GEMIN7: variants seen among roughly 807,000 people sequenced by gnomAD.
GEMIN7 encodes gem-associated protein 7.
Under a neutral mutation model 7.8 loss-of-function variants are expected in GEMIN7, and 7 were observed. The ratio of observed to expected loss-of-function variants is 0.90; its 90% CI spans 0.51 to 1.69. The LOEUF (loss-of-function observed/expected upper bound fraction) is 1.69, where lower values mean the gene tolerates loss of function less well. Ranked by LOEUF, GEMIN7 falls within the 40% of genes most tolerant of loss-of-function variation. The pLI is 0.00. For synonymous variants in GEMIN7, 68 were observed against 72.4 expected (o/e 0.94, Z 0.31); for missense variants, 159 against 176.2 (o/e 0.90, Z 0.55).
At position 45,090,178 on chromosome 19, in the gene GEMIN7, A is replaced by AGG; in HGVS notation, c.65_66insGG (p.Ser22ArgfsTer14). 6.2e-7 allele frequency: 1 copy of AGG among 1,614,182 alleles called. No individual in the cohort carries two copies. The highest frequency in any genetic ancestry group is 8.5e-7 in the Non-Finnish European group (1 of 1,180,034). On this transcript the variant is annotated frameshift_variant, in exon 3 of 3. Transcript: ENST00000270257. LOFTEE classifies it high-confidence loss of function. ...GCTGCCCCGGGGCCCTGATGGCTTC[A>AGG]GCCGTGGCTTTGCCCCTGATGGACG...
At chr19:45,079,755 G>A (rs1464424922) in intron 1 of GEMIN7, among the ~76,000 whole-genome samples, 152 bp from the exon 2 acceptor site, 1 of 152,230 alleles carries the variant, frequency 6.6e-6, no homozygotes, top group Non-Finnish European at 1.5e-5. Context: ...ACCGGCCCCA[G>A]GGGAGAAGGG....
upstream of GEMIN7, chr19:45,076,506 G>A (rs1449184366): frequency 3.2e-6 from 2 of 628,996 alleles, no homozygotes. This position sits in a 1 kb window ranked among gnomAD's most constrained non-coding sequence, Gnocchi z 4.9. Flanking sequence ...ACTCTTACAC[G>A]TGCTGGCCGG....
At chr19:45,076,103 A>C, upstream of GEMIN7, 1 of 1,582,026 alleles carries the variant, frequency 6.3e-7, no homozygotes, top group Non-Finnish European at 8.6e-7. The surrounding 1 kb of genome is among the most constrained non-coding windows in gnomAD (Gnocchi z 4.9). Flanking sequence ...AACGGCGTCC[A>C]CAGGGTCCAC....
chr19:45,090,666 G>C lies in GEMIN7; in HGVS notation c.*156G>C, dbSNP rs546170958. ...AGTCTGGACTCCTGAGACCTCCTGG[G>C]TCTAGTCAGTAAAATTCTGCAACTC... On this transcript the variant is annotated 3_prime_UTR_variant, in exon 3 of 3. Coordinates refer to ENST00000270257, the MANE Select transcript of GEMIN7 (RefSeq NM_024707.3). 6.8e-5 allele frequency: 44 copies of C among 648,582 alleles called. No individual in the cohort carries two copies. The highest frequency in any genetic ancestry group is 5.0e-4 in the South Asian group (25 of 49,570). 40.2% of individuals were successfully genotyped at this position (648,582 alleles called of 1,614,324 possible).
intron 2 of GEMIN7, among the ~76,000 whole-genome samples, chr19:45,089,089 A>C (rs1967803915): frequency 6.6e-6 from 1 of 151,852 alleles, no homozygotes; most frequent in African/African-American, 2.4e-5. Flanking sequence ...CTACAGGCGC[A>C]TGACACCACA....
upstream of GEMIN7, chr19:45,076,175 G>A (rs1204776939): frequency 6.6e-7 from 1 of 1,512,958 alleles, no homozygotes; most frequent in Non-Finnish European, 8.8e-7. The surrounding 1 kb of genome is among the most constrained non-coding windows in gnomAD (Gnocchi z 4.9). Flanking sequence ...GGGGAGTGGT[G>A]GGGTTCGCCG....
At chr19:45,085,884 T>TTTTC (rs1967666657) in intron 2 of GEMIN7, among the ~76,000 whole-genome samples, 1 of 142,112 alleles carries the variant, frequency 7.0e-6, no homozygotes, top group Non-Finnish European at 1.5e-5. Flanking sequence ...TTTTTTTTTT[T>TTTTC]TGAGACGGAG....
upstream of GEMIN7, among the ~76,000 whole-genome samples, chr19:45,077,852 C>T (rs75868424): frequency 0.026 from 3,997 of 151,954 alleles, 171 homozygotes; most frequent in African/African-American, 0.089. Flanking sequence ...ACTGCCGCCT[C>T]CTCTGATCAC....
intron 2 of GEMIN7, among the ~76,000 whole-genome samples, chr19:45,082,721 C>T (rs377022619): frequency 6.6e-5 from 10 of 151,840 alleles, no homozygotes; most frequent in East Asian, 5.8e-4. Context: ...CAGGCTCAAG[C>T]GATCCCCTCA....
upstream of GEMIN7, chr19:45,076,139 G>A: frequency 6.4e-7 from 1 of 1,552,906 alleles, no homozygotes; most frequent in African/African-American, 1.4e-5. This position sits in a 1 kb window ranked among gnomAD's most constrained non-coding sequence, Gnocchi z 4.9. Context: ...AGGGCGAGGA[G>A]GGCGGCCCCG....
At chr19:45,085,552 A>C (rs930442563) in intron 2 of GEMIN7, 1 of 152,212 alleles carries the variant, frequency 6.6e-6, no homozygotes, top group African/African-American at 2.4e-5. Flanking sequence ...TAGTGTCCAG[A>C]CTGAGTAGCC....
intron 2 of GEMIN7, 96 bp from the exon 3 acceptor site, chr19:45,090,011 T>C: frequency 7.7e-7 from 1 of 1,302,386 alleles, no homozygotes; most frequent in Non-Finnish European, 1.1e-6. Context: ...GCAGTGGAGC[T>C]GCCTGGTAGA....
chr19:45,078,693 GCGTAAAGA>G, upstream of GEMIN7, among the ~76,000 whole-genome samples: 1 of 152,202 alleles, frequency 6.6e-6, no homozygotes, highest in Non-Finnish European at 1.5e-5. Context: ...CAGGATCCCT[GCGTAAAGA>G]GGACCCCGCA....
rs765200721 is a variant in GEMIN7, at chr19:45,090,465, G to A, written c.351G>A (p.Ala117=). 6 of 1,613,680 alleles carry A rather than the reference G, an allele frequency of 3.7e-6. No individual in the cohort carries two copies. The highest frequency in any genetic ancestry group is 5.1e-6 in the Non-Finnish European group (6 of 1,179,806). Residue 117 remains alanine, a synonymous_variant, in exon 3 of 3, where the codon GCG becomes GCA. Transcript: ENST00000270257. ...CTCCCATAGGTGTGCAAGCAGAGGC[G>A]CTGCTCCGATGTAGTGACATTATTT... The part of the protein sequence containing the change: ...LQTPIGVQAE[A]LLRCSDIISY...
chr19:45,083,813 G>C (rs1264380789), intron 2 of GEMIN7, among the ~76,000 whole-genome samples: 2 of 151,546 alleles, frequency 1.3e-5, no homozygotes, highest in Non-Finnish European at 2.9e-5. Flanking sequence ...TGCCCAAGCT[G>C]GTCTCAAATT....
At chr19:45,089,925 A>G (rs1243690271) in intron 2 of GEMIN7, 182 bp from the exon 3 acceptor site, 1 of 601,836 alleles carries the variant, frequency 1.7e-6, no homozygotes, top group South Asian at 2.4e-5. Context: ...TGTGCATGTG[A>G]CACTTTTGTT....
chr19:45,076,068 G>T, upstream of GEMIN7: 1 of 1,581,324 alleles, frequency 6.3e-7, no homozygotes, highest in Non-Finnish European at 8.6e-7. This position sits in a 1 kb window ranked among gnomAD's most constrained non-coding sequence, Gnocchi z 4.9. Context: ...AGGGCCCGGG[G>T]TGCTCACCGG....
upstream of GEMIN7, among the ~76,000 whole-genome samples, chr19:45,078,101 T>TC (rs1361717081): frequency 1.4e-5 from 2 of 145,184 alleles, no homozygotes; most frequent in Admixed American, 1.4e-4. Context: ...TTTACTCTTT[T>TC]TTTTTTTTTT....
intron 2 of GEMIN7, among the ~76,000 whole-genome samples, chr19:45,087,187 A>G (rs554723183): frequency 2.4e-4 from 37 of 152,222 alleles, no homozygotes; most frequent in African/African-American, 8.7e-4. Context: ...TCTGTTGCCC[A>G]GGCTGGAGTA....
Sources: allele counts gnomAD v4.1 joint callset (sites outside exome capture counted in the v4.1 genomes callset), GRCh38; gene constraint gnomAD v4.1.1; non-coding constraint Gnocchi (gnomAD v3.1); transcripts MANE v1.5; gene names NCBI Gene and HGNC (gene_info 2026-07-23, HGNC 2026-07-21).